Variants in LTV1 observed in about 807,000 individuals in gnomAD.
LTV1 encodes LTV1 ribosome biogenesis factor, also known as protein LTV1 homolog.
A neutral mutation model predicts 59.9 loss-of-function variants in LTV1; 39 were observed. The ratio of observed to expected loss-of-function variants is 0.65; its 90% CI spans 0.50 to 0.85. The LOEUF is 0.85. LTV1 is among the 40% of genes least tolerant of loss of function. The pLI is 0.00. For synonymous variants in LTV1, 171 were observed against 189.5 expected, an observed-to-expected ratio of 0.90 and a Z score of 0.80; for missense variants, 493 against 549.1, an observed-to-expected ratio of 0.90 and a Z score of 1.02.
chr6:143,849,204 GC>G (rs998573865), intron 3 of LTV1, among the ~76,000 whole-genome samples: 1 of 152,184 alleles, frequency 6.6e-6, no homozygotes, highest in East Asian at 1.9e-4. Context: ...ATGAGGTGAT[GC>G]CCCAAAGAAT....
At position 143,863,404 on chromosome 6, in the gene LTV1, G is replaced by A. The variant is rs1226726042; in HGVS notation, c.1318-13G>A. 12 of 1,605,686 alleles carry A rather than the reference G, an allele frequency of 7.5e-6. No homozygotes were observed. Among genetic ancestry groups the A allele is most frequent in the South Asian group, 3.3e-5 (3 of 90,878 alleles). ...ATGTGAATAATACAAGTATATTCTT[G>A]TACTTATAACAGGAACGAAGAGTGG... On this transcript the variant is annotated splice_polypyrimidine_tract_variant and intron_variant, in intron 10 of 10. Transcript: ENST00000367576. This position sits in a 1 kb window ranked among gnomAD's most constrained non-coding sequence, Gnocchi z 4.5.
At chr6:143,844,145 A>G (rs1225977090) in intron 1 of LTV1, among the ~76,000 whole-genome samples, 1 of 152,202 alleles carries the variant, frequency 6.6e-6, no homozygotes, top group Non-Finnish European at 1.5e-5. Context: ...GCCAGTGTAA[A>G]GTAGCTTTTA....
At position 143,855,237 on chromosome 6, in the gene LTV1, G is replaced by A. The variant is rs926401385; in HGVS notation, c.398-2066G>A. On this transcript the variant is annotated intron_variant, in intron 4 of 10. Coordinates refer to ENST00000367576, the MANE Select transcript of LTV1 (RefSeq NM_032860.5). This position sits in a 1 kb window ranked among gnomAD's most constrained non-coding sequence, Gnocchi z 4.6. Reference sequence around the variant, plus strand: ...GTGTTTTTTGATCTTTGTTGGTTTAGAGTCTGTTTTATCAGAGACTAGGAT... The same window carrying A: ...GTGTTTTTTGATCTTTGTTGGTTTAAAGTCTGTTTTATCAGAGACTAGGAT... Among the ~76,000 whole-genome samples, 7 of 151,974 alleles carry A rather than the reference G, an allele frequency of 4.6e-5. No individual in the cohort carries two copies. Among genetic ancestry groups the A allele is most frequent in the Non-Finnish European group, 7.4e-5 (5 of 67,972 alleles).
At chr6:143,848,631 G>A (rs960165112) in intron 3 of LTV1, among the ~76,000 whole-genome samples, 8 of 152,190 alleles carry the variant, frequency 5.3e-5, no homozygotes, top group Admixed American at 1.3e-4. Flanking sequence ...TTGTCCTCAC[G>A]TTATGAACTG....
intron 4 of LTV1, among the ~76,000 whole-genome samples, chr6:143,852,070 A>G (rs148669198): frequency 3.3e-5 from 5 of 152,322 alleles, no homozygotes; most frequent in African/African-American, 4.8e-5. Flanking sequence ...ATGATTTATT[A>G]TCCTTTGGGT....
chr6:143,859,081 T>C (rs1319990038), intron 6 of LTV1, among the ~76,000 whole-genome samples: 1 of 152,234 alleles, frequency 6.6e-6, no homozygotes, highest in African/African-American at 2.4e-5. Flanking sequence ...AGATGCTATA[T>C]TTCTGAAGTA....
chr6:143,847,931 A>G (rs1449315102), intron 3 of LTV1, among the ~76,000 whole-genome samples: 1 of 152,224 alleles, frequency 6.6e-6, no homozygotes, highest in East Asian at 1.9e-4. Context: ...AGTGTAAGAC[A>G]GTGTAAAAAG....
At chr6:143,860,881 G>A (rs577203297) in intron 7 of LTV1, among the ~76,000 whole-genome samples, 3 of 151,870 alleles carry the variant, frequency 2.0e-5, no homozygotes, top group African/African-American at 7.3e-5. Flanking sequence ...ATGGTAGAAT[G>A]TGTATTCGTT....
intron 3 of LTV1, among the ~76,000 whole-genome samples, chr6:143,846,692 T>C (rs1776896361): frequency 6.6e-6 from 1 of 152,214 alleles, no homozygotes; most frequent in South Asian, 2.1e-4. Context: ...AAATGTTCGG[T>C]CCACTTTAAT....
chr6:143,849,118 A>G (rs368901944), intron 3 of LTV1, among the ~76,000 whole-genome samples: 3 of 152,352 alleles, frequency 2.0e-5, no homozygotes, highest in Non-Finnish European at 2.9e-5. Context: ...TAATCTCGCC[A>G]TGGGTATGAA....
In LTV1 at chr6:143,844,441, TTTTG is replaced by T. The variant is rs751355775; in HGVS notation, c.4-42_4-39del. 10 of 1,599,678 alleles carry T rather than the reference TTTTG, an allele frequency of 6.3e-6. No individual in the cohort carries two copies. The African/African-American group carries it at 1.2e-4, about 19-fold the overall frequency. On this transcript the variant is annotated intron_variant, in intron 1 of 10. Transcript: ENST00000367576. ...TGGACTATGGAATTATTCTCCGTCTTTTTGTTCTGTTTTAATTAATTGTTGTGAT... is the reference window on the plus strand; with the variant it reads ...TGGACTATGGAATTATTCTCCGTCTTTTCTGTTTTAATTAATTGTTGTGAT...
chr6:143,846,281 C>T, intron 3 of LTV1, 57 bp downstream of exon 3: 2 of 1,520,352 alleles, frequency 1.3e-6, no homozygotes, highest in Non-Finnish European at 9.0e-7. Context: ...ATTTTTGAAT[C>T]AAGATATCTG....
In LTV1 at chr6:143,863,746, T is replaced by C; in HGVS notation, c.*219T>C. The C allele has an allele frequency of 2.7e-6, 1 of 368,728 alleles. No homozygotes were observed. Among genetic ancestry groups the C allele is most frequent in the Non-Finnish European group, 4.9e-6 (1 of 204,024 alleles). 22.8% of individuals were successfully genotyped at this position (368,728 alleles called of 1,614,324 possible). ...TAATATTATAAGCTTACATTTGCTCTGAAGTAAATGACTTCATGAATGTGA... is the reference window on the plus strand; with the variant it reads ...TAATATTATAAGCTTACATTTGCTCCGAAGTAAATGACTTCATGAATGTGA... On this transcript the variant is annotated 3_prime_UTR_variant, in exon 11 of 11. Transcript: ENST00000367576. This position sits in a 1 kb window ranked among gnomAD's most constrained non-coding sequence, Gnocchi z 4.5.
intron 4 of LTV1, among the ~76,000 whole-genome samples, chr6:143,852,607 C>G (rs1275712412): frequency 6.6e-6 from 1 of 152,156 alleles, no homozygotes; most frequent in South Asian, 2.1e-4. Flanking sequence ...CTTTTGTTGA[C>G]ATTGCTTTTG....
At chr6:143,851,090 C>T (rs567097412) in intron 4 of LTV1, among the ~76,000 whole-genome samples, 6 of 151,966 alleles carry the variant, frequency 3.9e-5, no homozygotes, top group African/African-American at 4.8e-5. Flanking sequence ...GGCAAGAGAA[C>T]GTGAATATAG....
chr6:143,849,161 G>A (rs1250814790), intron 3 of LTV1, among the ~76,000 whole-genome samples: 2 of 152,274 alleles, frequency 1.3e-5, no homozygotes, highest in Non-Finnish European at 1.5e-5. Flanking sequence ...CTATATGAGC[G>A]GTTGCAGTCA....
chr6:143,844,654 G>C, intron 2 of LTV1, 37 bp downstream of exon 2: 1 of 1,552,378 alleles, frequency 6.4e-7, no homozygotes, highest in Non-Finnish European at 8.7e-7. Context: ...TTTGTAGGTA[G>C]ACAATAGTTT....
intron 2 of LTV1, 98 bp from the exon 3 acceptor site, chr6:143,845,953 A>G: frequency 8.8e-7 from 1 of 1,140,274 alleles, no homozygotes; most frequent in Non-Finnish European, 1.3e-6. Context: ...GGAAAGCTGT[A>G]CTCATTGTAA....
chr6:143,857,310 A>T lies in LTV1; in HGVS notation c.405A>T (p.Arg135=). 1.2e-6 allele frequency: 2 copies of T among 1,613,744 alleles called. No homozygotes were observed. Among genetic ancestry groups the T allele is most frequent in the Non-Finnish European group, 1.7e-6 (2 of 1,179,724 alleles). The part of the protein sequence containing the change: ...LNKAAPVSGP[R]LDFDPDIVAA... ...TTTTTGTTTTCCTTCTAGGACCTCG[A>T]CTGGATTTTGATCCTGACATTGTTG... Residue 135 remains arginine (R), a synonymous_variant, in exon 5 of 11, where the codon CGA becomes CGT. Coordinates refer to ENST00000367576, the MANE Select transcript of LTV1 (RefSeq NM_032860.5). The surrounding 1 kb of genome is among the most constrained non-coding windows in gnomAD (Gnocchi z 5.2).
Sources: allele counts gnomAD v4.1 joint callset (sites outside exome capture counted in the v4.1 genomes callset), GRCh38; gene constraint gnomAD v4.1.1; non-coding constraint Gnocchi (gnomAD v3.1); transcripts MANE v1.5; gene names NCBI Gene and HGNC (gene_info 2026-07-23, HGNC 2026-07-21).